The following TEX11 variants were observed in gnomAD, a reference collection of about 807,000 sequenced individuals.
TEX11 encodes testis expressed 11.
In TEX11, 7 loss-of-function variants were observed where a neutral mutation model predicts 84.4. The ratio of observed to expected loss-of-function variants is 0.08; its 90% confidence interval spans 0.05 to 0.16. The LOEUF is 0.16. Among genes scored for constraint, TEX11 ranks in the 10% least tolerant of loss-of-function variants. The probability of loss-of-function intolerance (pLI) is 1.00; values close to 1 mark genes in which losing one functional copy is unlikely to be tolerated. For missense variants in TEX11, 551 were observed against 660.5 expected (o/e 0.83, Z 1.82); for synonymous variants, 264 against 222.8 (o/e 1.18, Z -1.64).
intron 9 of TEX11, among the ~76,000 whole-genome samples, chrX:70,786,228 C>T (rs752195275): frequency 9.0e-6 from 1 of 111,125 alleles, no homozygotes; most frequent in Non-Finnish European, 1.9e-5. Context: ...GACAGAAAAC[C>T]AAACACCACA....
Position 70,538,601 on chromosome X carries a change from G to A in TEX11, c.2521-8602C>T, listed in dbSNP as rs1438570106. ...GCCCAGGAATTTGAGACCAGCCTGG[G>A]CAACATAGTAAGACCTCCTCTCAAT... On this transcript the variant is annotated intron_variant, in intron 28 of 29. Transcript: ENST00000374333. Among the ~76,000 whole-genome samples the A allele has an allele frequency of 2.7e-5, 3 of 110,410 alleles. No homozygotes were observed. In the Admixed American group the frequency reaches 2.9e-4, roughly 11 times the overall value.
At chrX:70,666,769 G>C (rs1468211498) in intron 16 of TEX11, among the ~76,000 whole-genome samples, 1 of 111,763 alleles carries the variant, frequency 8.9e-6, no homozygotes, top group Non-Finnish European at 1.9e-5. Context: ...CAGCCACAAA[G>C]GTCTCTTTGC....
chrX:70,569,483 T>C (rs1408788387), intron 25 of TEX11, among the ~76,000 whole-genome samples: 1 of 111,846 alleles, frequency 8.9e-6, no homozygotes, highest in African/African-American at 3.3e-5. Context: ...AGAGACGCTC[T>C]GATTTTTAGA....
In TEX11 at chrX:70,835,393, A is replaced by G. The variant is rs772032427; in HGVS notation, c.526-1800T>C. ...TTCATCTTCTTATGACTAGAAACAA[A>G]TATTTCAAGCCCAAAAGATAAAGAT... is the stretch of plus-strand genomic sequence containing the variant. On this transcript the variant is annotated intron_variant, in intron 7 of 29. Coordinates refer to ENST00000374333, the MANE Select transcript of TEX11 (RefSeq NM_031276.3). Among the ~76,000 whole-genome samples, 9 of 112,592 alleles carry G rather than the reference A, an allele frequency of 8.0e-5. No homozygotes were observed. In the South Asian group the frequency reaches 3.3e-3, roughly 42 times the overall value.
intron 17 of TEX11, among the ~76,000 whole-genome samples, chrX:70,638,897 G>A (rs1397400181): frequency 9.2e-6 from 1 of 108,862 alleles, no homozygotes; most frequent in Non-Finnish European, 1.9e-5. Context: ...TGAAAGAGAA[G>A]ACATTGGAGG....
In TEX11 at chrX:70,629,597, T is replaced by C. The variant is rs761765529; in HGVS notation, c.1608+14A>G. The C allele has an allele frequency of 2.5e-6, 3 of 1,205,867 alleles. No homozygotes were observed. The East Asian group carries it at 8.9e-5, about 36-fold the overall frequency. On this transcript the variant is annotated intron_variant, in intron 18 of 29. Coordinates refer to ENST00000374333, the MANE Select transcript of TEX11 (RefSeq NM_031276.3). ...AAGGGATAAAAATCTAGTAGATGAA[T>C]ACATATGAATTACCTCTAGAGCAAA...
chrX:70,597,167 A>T (rs760016124), intron 24 of TEX11, among the ~76,000 whole-genome samples: 7 of 112,242 alleles, frequency 6.2e-5, no homozygotes, highest in African/African-American at 1.9e-4. Context: ...AAATAAATGG[A>T]AAGATATTCC....
intron 7 of TEX11, among the ~76,000 whole-genome samples, chrX:70,834,286 T>C (rs2091393129): frequency 8.9e-6 from 1 of 111,813 alleles, no homozygotes; most frequent in Non-Finnish European, 1.9e-5. Context: ...CATGTGTAAC[T>C]TTGAGCCTTA....
intron 4 of TEX11, among the ~76,000 whole-genome samples, chrX:70,872,706 G>A (rs1048684153): frequency 8.9e-6 from 1 of 111,877 alleles, no homozygotes; most frequent in African/African-American, 3.2e-5. Flanking sequence ...CTTGTTGTTT[G>A]CTCTCACAGG....
Position 70,622,364 on chromosome X carries a change from A to C in TEX11, c.1751+1586T>G, listed in dbSNP as rs181340573. On this transcript the variant is annotated intron_variant, in intron 20 of 29. Transcript: ENST00000374333. ...AAAACAATGAAGGTATATTTTAAAA[A>C]GTGTTTGTAATTTCTCATTAATTCA... 3.6e-5 allele frequency among the ~76,000 whole-genome samples: 4 copies of C among 112,269 alleles called. No homozygotes were observed. In the Admixed American group the frequency reaches 3.8e-4, roughly 11 times the overall value.
chrX:70,648,930 A>G (rs963010716), intron 17 of TEX11, among the ~76,000 whole-genome samples: 1 of 108,594 alleles, frequency 9.2e-6, no homozygotes, highest in African/African-American at 3.4e-5. Flanking sequence ...ATGTGTTCTC[A>G]TTGTTCATCT....
intron 13 of TEX11, among the ~76,000 whole-genome samples, chrX:70,684,920 C>A (rs921150549): frequency 8.9e-6 from 1 of 111,811 alleles, no homozygotes; most frequent in African/African-American, 3.3e-5. Flanking sequence ...CTATAGTAAT[C>A]AAAGCAGTAT....
chrX:70,711,795 T>C (rs1198364688), intron 13 of TEX11, among the ~76,000 whole-genome samples: 6 of 111,745 alleles, frequency 5.4e-5, no homozygotes, highest in Non-Finnish European at 1.1e-4. Context: ...TTAGTTTAAT[T>C]AGATCCCATT....
intron 27 of TEX11, among the ~76,000 whole-genome samples, chrX:70,552,824 T>C (rs953570630): frequency 1.7e-4 from 19 of 111,695 alleles, no homozygotes; most frequent in African/African-American, 5.5e-4. Context: ...ATCTGGGTGC[T>C]GCGTGCCTGT....
the TEX11 span, among the ~76,000 whole-genome samples, chrX:70,523,701 T>C: frequency 3.7e-5 from 4 of 108,585 alleles, no homozygotes; most frequent in Non-Finnish European, 7.6e-5. Context: ...CCTGACCTCG[T>C]GATCTGCCCG....
At chrX:70,877,380 A>T (rs2091661291) in intron 3 of TEX11, among the ~76,000 whole-genome samples, 1 of 111,499 alleles carries the variant, frequency 9.0e-6, no homozygotes, top group African/African-American at 3.3e-5. Flanking sequence ...ACAGAACAAC[A>T]AGTATTGGTG....
chrX:70,832,751 T>G (rs2091383618), intron 8 of TEX11, among the ~76,000 whole-genome samples: 1 of 111,631 alleles, frequency 9.0e-6, no homozygotes, highest in Non-Finnish European at 1.9e-5. Context: ...TATTTAGGAA[T>G]TTTCATGAGA....
chrX:70,756,128 C>A (rs1199063108), intron 9 of TEX11, among the ~76,000 whole-genome samples: 1 of 112,582 alleles, frequency 8.9e-6, no homozygotes, highest in Non-Finnish European at 1.9e-5. Context: ...CTGGGCGGAG[C>A]CCACTGCAGC....
the TEX11 span, among the ~76,000 whole-genome samples, chrX:70,514,133 T>TA: frequency 9.1e-6 from 1 of 109,485 alleles, no homozygotes; most frequent in Admixed American, 9.6e-5. Flanking sequence ...TGGTGATAAA[T>TA]ACTAGCTAAG....
Sources: gnomAD v4.1 joint callset for allele counts (sites outside exome capture counted in the v4.1 genomes callset) on GRCh38, gnomAD v4.1.1 for gene constraint, MANE v1.5 for transcripts, NCBI Gene and HGNC (gene_info 2026-07-23, HGNC 2026-07-21) for gene names.